USH2A: variants seen among roughly 807,000 people sequenced by gnomAD.
USH2A encodes usherin, also known as Usher syndrome 2A (autosomal recessive, mild).
Under a neutral mutation model 538.9 loss-of-function variants are expected in USH2A, and 443 were observed. That is an observed-to-expected ratio of 0.82 (90% CI 0.76 to 0.89). USH2A has a LOEUF of 0.89. Among genes scored for constraint, USH2A ranks in the 40% least tolerant of loss-of-function variants. USH2A has a pLI of 0.00. For synonymous variants in USH2A, 2,413 were observed against 2,273.5 expected (o/e 1.06, Z -1.75); for missense variants, 6,633 against 6,324.8 (o/e 1.05, Z -1.65).
Position 216,073,263 on chromosome 1 carries a change from C to G in USH2A, c.5610G>C (p.Arg1870=), listed in dbSNP as rs369972310. 6 of 1,613,656 alleles carry G rather than the reference C, an allele frequency of 3.7e-6. No homozygotes were observed. The highest frequency in any genetic ancestry group is 2.7e-5 in the African/African-American group (2 of 74,892). The change falls in exon 28 of 72, where the codon CGG becomes CGC. Residue 1870 remains arginine, a synonymous_variant. Coordinates refer to ENST00000307340, the MANE Select transcript of USH2A (RefSeq NM_206933.4). ...GGCMKDVKFT[R]GAVVNLASVS... is the part of the protein sequence containing the mutation. ...CAGATGCCAAGTTAACGACAGCACC[C>G]CGTGTAAATTTAACATCCTTCATGC...
chr1:216,042,654 C>T (rs1159547971), intron 32 of USH2A, among the ~76,000 whole-genome samples: 2 of 152,066 alleles, frequency 1.3e-5, no homozygotes, highest in East Asian at 3.9e-4. Flanking sequence ...AAGCCCATCC[C>T]AATGGCTAGA....
At chr1:215,674,039 C>T (rs1657908187) in intron 63 of USH2A, 61 bp downstream of exon 63, 2 of 1,612,998 alleles carry the variant, frequency 1.2e-6, no homozygotes, top group Admixed American at 3.3e-5. Flanking sequence ...TGACCAAGGG[C>T]TCAGGCAATA....
chr1:215,774,756 C>G (rs12077188), intron 55 of USH2A, among the ~76,000 whole-genome samples: 18,391 of 151,774 alleles, frequency 0.12, 3,105 homozygotes, highest in African/African-American at 0.38. Flanking sequence ...TAGTATCTGG[C>G]AAAGTACATT....
rs142476241 is a variant in USH2A at position 216,003,064 on chromosome 1, G to A, written c.6326-2502C>T. On this transcript the variant is annotated intron_variant, in intron 32 of 71. Transcript: ENST00000307340. ...GCAATTAGTTCAGGATTTGTTATCC[G>A]TGCCCGGATTCTTCCATGGAGTGGG... Among the ~76,000 whole-genome samples, 390 of 152,134 alleles carry A rather than the reference G, an allele frequency of 2.6e-3. 2 individuals carry two copies. The highest frequency in any genetic ancestry group is 8.6e-3 in the African/African-American group (358 of 41,518).
At chr1:216,419,515 A>T (rs1241512906) in intron 2 of USH2A, among the ~76,000 whole-genome samples, 1 of 151,966 alleles carries the variant, frequency 6.6e-6, no homozygotes, top group Non-Finnish European at 1.5e-5. Context: ...TATCTGAATG[A>T]TTATGCTTGG....
intron 36 of USH2A, among the ~76,000 whole-genome samples, chr1:215,969,678 G>A (rs79029979): frequency 0.012 from 1,819 of 152,070 alleles, 28 homozygotes; most frequent in African/African-American, 0.042. Context: ...CAGCTCCGCC[G>A]ATGGATGGTG....
At chr1:215,742,230 C>A (rs963321172) in intron 59 of USH2A, among the ~76,000 whole-genome samples, 1 of 152,100 alleles carries the variant, frequency 6.6e-6, no homozygotes, top group Non-Finnish European at 1.5e-5. Context: ...TAATTCTAAC[C>A]AACTCCATGA....
intron 21 of USH2A, among the ~76,000 whole-genome samples, chr1:216,104,651 A>T (rs1250297307): frequency 6.6e-6 from 1 of 152,132 alleles, no homozygotes; most frequent in Non-Finnish European, 1.5e-5. Context: ...CCTTCCTTAC[A>T]CCTTATACAA....
chr1:215,750,327 C>G (rs1286527374), intron 58 of USH2A, among the ~76,000 whole-genome samples: 1 of 152,092 alleles, frequency 6.6e-6, no homozygotes, highest in Non-Finnish European at 1.5e-5. Flanking sequence ...TATGTCTTTT[C>G]TACCTTACTA....
chr1:215,885,309 T>G (rs1665021803), intron 41 of USH2A, among the ~76,000 whole-genome samples: 1 of 152,146 alleles, frequency 6.6e-6, no homozygotes, highest in South Asian at 2.1e-4. Context: ...GAACCATCCT[T>G]ACATTTTTAA....
intron 27 of USH2A, among the ~76,000 whole-genome samples, chr1:216,073,648 GC>G (rs1384880338): frequency 6.6e-6 from 1 of 152,176 alleles, no homozygotes; most frequent in Admixed American, 6.6e-5. Flanking sequence ...TAGGGGGATA[GC>G]CCCATGTCTC....
chr1:216,148,335 C>T (rs2033756021), intron 21 of USH2A, among the ~76,000 whole-genome samples: 1 of 151,922 alleles, frequency 6.6e-6, no homozygotes, highest in African/African-American at 2.4e-5. Context: ...AAATTATCTG[C>T]TTCCCTGACT....
intron 11 of USH2A, among the ~76,000 whole-genome samples, chr1:216,284,882 T>C (rs2036851541): frequency 6.6e-6 from 1 of 152,150 alleles, no homozygotes; most frequent in Non-Finnish European, 1.5e-5. Flanking sequence ...TAAAGGTCAT[T>C]CTTGCTATGC....
chr1:215,699,985 A>G (rs1303288718), intron 61 of USH2A, among the ~76,000 whole-genome samples: 2 of 152,176 alleles, frequency 1.3e-5, no homozygotes, highest in Non-Finnish European at 2.9e-5. Context: ...CATTCCATCA[A>G]TGCCTAATTT....
chr1:215,903,416 A>G (rs1316682763), intron 38 of USH2A, among the ~76,000 whole-genome samples: 1 of 152,064 alleles, frequency 6.6e-6, no homozygotes, highest in Non-Finnish European at 1.5e-5. Context: ...AGCTCATGAT[A>G]TCAAAGGAAG....
chr1:216,174,492 T>C (rs2034334167), intron 21 of USH2A: 3 of 985,466 alleles, frequency 3.0e-6, no homozygotes, highest in Non-Finnish European at 3.6e-6. Flanking sequence ...ATTGTGCTGG[T>C]ACAGAGTTCA....
chr1:216,090,608 A>G (rs888536515), intron 22 of USH2A, among the ~76,000 whole-genome samples: 2 of 151,998 alleles, frequency 1.3e-5, no homozygotes, highest in African/African-American at 4.8e-5. Context: ...TTGTCTACAC[A>G]CCCTTTTATT....
At position 215,650,611 on chromosome 1, in the gene USH2A, G is replaced by T. The variant is rs768124080; in HGVS notation, c.14324C>A (p.Ala4775Asp). ...GCTCACCACTGTCTCAGCCCCATGG[G>T]CGCTGCTGGAGAACAGCCTGTAGAG... is the stretch of plus-strand genomic sequence containing the variant. ...VSLYRLFSSS[A>D]HGAETVLSEG... Residue 4775 changes from alanine to aspartate, a missense_variant, in exon 65 of 72, where the codon GCC becomes GAC. By Grantham distance (126) the Ala-to-Asp change is moderately radical (BLOSUM62 -2). Transcript: ENST00000307340. 3 of 1,614,002 alleles carry T rather than the reference G, an allele frequency of 1.9e-6. No homozygotes were observed. Among genetic ancestry groups the T allele is most frequent in the African/African-American group, 2.7e-5 (2 of 74,900 alleles).
chr1:216,271,840 C>T (rs552555984), intron 11 of USH2A, among the ~76,000 whole-genome samples: 2 of 152,206 alleles, frequency 1.3e-5, no homozygotes, highest in South Asian at 2.1e-4. Flanking sequence ...GTTAAACTAA[C>T]TTTGCATTCC....
Sources: gnomAD v4.1 joint callset for allele counts (sites outside exome capture counted in the v4.1 genomes callset) on GRCh38, gnomAD v4.1.1 for gene constraint, MANE v1.5 for transcripts, NCBI Gene and HGNC (gene_info 2026-07-23, HGNC 2026-07-21) for gene names.